Variants in GRHL2 observed in about 807,000 individuals in gnomAD.
The protein encoded by GRHL2 is grainyhead like transcription factor 2, also known as grainyhead-like protein 2 homolog.
A neutral mutation model predicts 83.8 loss-of-function variants in GRHL2; 21 were observed. The ratio of observed to expected loss-of-function variants is 0.25; its 90% CI spans 0.18 to 0.36. The LOEUF (loss-of-function observed/expected upper bound fraction) is 0.36. Among genes scored for constraint, GRHL2 ranks in the 10% least tolerant of loss-of-function variants. The pLI, the probability that GRHL2 is intolerant of heterozygous loss-of-function variation, is 1.00. For missense variants in GRHL2, 623 were observed against 781.8 expected, an observed-to-expected ratio of 0.80 and a Z score of 2.42; for synonymous variants, 280 against 278.9, an observed-to-expected ratio of 1.00 and a Z score of -0.04.
At chr8:101,532,365 G>A (rs532199242) in intron 1 of GRHL2, among the ~76,000 whole-genome samples, 2 of 152,268 alleles carry the variant, frequency 1.3e-5, no homozygotes, top group African/African-American at 2.4e-5. Flanking sequence ...GAGATGAAGT[G>A]ATTACTTAAG....
rs1405094574 is a variant in GRHL2 at position 101,652,469 on chromosome 8, T to TGTGTGTG, written c.1698+2971_1698+2977dup. On this transcript the variant is annotated intron_variant, in intron 14 of 15. Transcript: ENST00000646743. ...TGTGGTGTGTGTCTGGTGTGTGTGG[T>TGTGTGTG]GTGTGTGTGGTATGTGTGTATGTGT... Among the ~76,000 whole-genome samples, 11 of 46,372 alleles carry TGTGTGTG rather than the reference T, an allele frequency of 2.4e-4. 1 individual carries two copies. The highest frequency in any genetic ancestry group is 2.8e-4 in the Non-Finnish European group (6 of 21,694). The allele number at this position is 46,372 out of a possible 152,430, so 30.4% of individuals were successfully genotyped here.
At chr8:101,612,496 G>A (rs1812770160) in intron 8 of GRHL2, among the ~76,000 whole-genome samples, 2 of 114,860 alleles carry the variant, frequency 1.7e-5, no homozygotes, top group African/African-American at 3.9e-5. Flanking sequence ...TAGATAGATA[G>A]ATAGATAGAT....
chr8:101,659,740 A>G (rs1336225780), intron 14 of GRHL2, among the ~76,000 whole-genome samples: 1 of 152,216 alleles, frequency 6.6e-6, no homozygotes, highest in Non-Finnish European at 1.5e-5. Flanking sequence ...AAGAAAGCAT[A>G]AATTCTTCAA....
intron 1 of GRHL2, among the ~76,000 whole-genome samples, chr8:101,531,466 G>A (rs1399051822): frequency 6.6e-6 from 1 of 152,066 alleles, no homozygotes; most frequent in Non-Finnish European, 1.5e-5. Context: ...TAGTATGATG[G>A]TATTGTTGAA....
intron 8 of GRHL2, among the ~76,000 whole-genome samples, chr8:101,602,938 C>T (rs1812548589): frequency 6.6e-6 from 1 of 152,208 alleles, no homozygotes; most frequent in Non-Finnish European, 1.5e-5. Flanking sequence ...CTCCCTGGCT[C>T]CTTTGGCCTG....
At chr8:101,616,393 A>G (rs1212591760) in intron 8 of GRHL2, among the ~76,000 whole-genome samples, 1 of 151,694 alleles carries the variant, frequency 6.6e-6, no homozygotes, top group East Asian at 1.9e-4. Context: ...CTGGTCTCGA[A>G]CTCCTGACCT....
intron 7 of GRHL2, among the ~76,000 whole-genome samples, chr8:101,577,919 G>A (rs1325117460): frequency 1.3e-5 from 2 of 152,210 alleles, no homozygotes; most frequent in South Asian, 2.1e-4. Context: ...CAAAGGTCAT[G>A]TGACTACACA....
At chr8:101,592,136 G>GCTCT (rs1477917142) in intron 7 of GRHL2, among the ~76,000 whole-genome samples, 1 of 98,982 alleles carries the variant, frequency 1.0e-5, no homozygotes, top group East Asian at 3.3e-4. Context: ...ACAGAGTCTT[G>GCTCT]CTCTGTCGCC....
chr8:101,641,123 TGTTTTTG>T (rs1238659465), intron 12 of GRHL2, among the ~76,000 whole-genome samples: 12 of 152,294 alleles, frequency 7.9e-5, no homozygotes, highest in African/African-American at 2.6e-4. Context: ...GTGTGTTTTT[TGTTTTTG>T]GTTTTTTACT....
intron 14 of GRHL2, among the ~76,000 whole-genome samples, chr8:101,655,349 G>C (rs1173447935): frequency 6.6e-6 from 1 of 152,104 alleles, no homozygotes; most frequent in Non-Finnish European, 1.5e-5. Context: ...TTGAATGTTT[G>C]GTTTCCTTCC....
intron 4 of GRHL2, among the ~76,000 whole-genome samples, chr8:101,560,176 TTGTGTG>T (rs35280910): frequency 0.096 from 14,259 of 148,982 alleles, 837 homozygotes; most frequent in African/African-American, 0.16. Flanking sequence ...TGGCTAAATT[TTGTGTG>T]TGTGTGTGTG....
chr8:101,507,605 T>C (rs564061616), intron 1 of GRHL2, among the ~76,000 whole-genome samples: 1 of 152,256 alleles, frequency 6.6e-6, no homozygotes, highest in Non-Finnish European at 1.5e-5. Flanking sequence ...TAACATTTTT[T>C]AAATTGATAC....
At chr8:101,625,191 G>A (rs1472319465) in intron 9 of GRHL2, among the ~76,000 whole-genome samples, 1 of 152,006 alleles carries the variant, frequency 6.6e-6, no homozygotes, top group African/African-American at 2.4e-5. Flanking sequence ...TGGAAATAAA[G>A]AATAAAGTTA....
At chr8:101,558,944 G>A in intron 4 of GRHL2, 132 bp downstream of exon 4, 1 of 959,306 alleles carries the variant, frequency 1.0e-6, no homozygotes. Flanking sequence ...TTTAAAAGAT[G>A]TGTTTGTTGG....
chr8:101,499,227 TA>T (rs1335524721), intron 1 of GRHL2, among the ~76,000 whole-genome samples: 1 of 152,252 alleles, frequency 6.6e-6, no homozygotes, highest in Non-Finnish European at 1.5e-5. Flanking sequence ...ATTTACTTTT[TA>T]AAAAGTTTTA....
chr8:101,533,534 G>A (rs1810981142), intron 1 of GRHL2, among the ~76,000 whole-genome samples: 1 of 152,184 alleles, frequency 6.6e-6, no homozygotes, highest in African/African-American at 2.4e-5. Context: ...AGCGGAGGTA[G>A]ACACACAAGG....
At chr8:101,603,335 TAAAAAAC>T (rs548556876) in intron 8 of GRHL2, among the ~76,000 whole-genome samples, 2,420 of 152,252 alleles carry the variant, frequency 0.016, 71 homozygotes, top group African/African-American at 0.055. Flanking sequence ...TGCATTTATT[TAAAAAAC>T]AAAAAACAAA....
chr8:101,632,305 C>A lies in GRHL2; in HGVS notation c.1425C>A (p.His475Gln). 6.2e-7 allele frequency: 1 copy of A among 1,614,102 alleles called. No individual in the cohort carries two copies. Among genetic ancestry groups the A allele is most frequent in the Non-Finnish European group, 8.5e-7 (1 of 1,179,962 alleles). ...ITYFKTMPDL[H>Q]SQPVLFIPDV... ...ACTTCAAAACCATGCCTGATCTCCA[C>A]TCACAGCCAGTTCTCTTCATACCTG... Residue 475 changes from histidine to glutamine, a missense_variant, in exon 11 of 16, where the codon CAC (histidine) becomes CAA (glutamine). This residue lies in a region of GRHL2 where 210 missense variants were observed against 254.8 expected (regional missense o/e 0.82). Transcript: ENST00000646743.
intron 7 of GRHL2, among the ~76,000 whole-genome samples, chr8:101,582,712 C>T (rs1812081653): frequency 1.3e-5 from 2 of 152,184 alleles, no homozygotes; most frequent in South Asian, 4.1e-4. Context: ...TCTGCGACCA[C>T]CCACCTCAGC....
Sources: gnomAD v4.1 joint callset for allele counts (sites outside exome capture counted in the v4.1 genomes callset) on GRCh38, gnomAD v4.1.1 for gene constraint, gnomAD v4.1.1 regional missense constraint, MANE v1.5 for transcripts, NCBI Gene and HGNC (gene_info 2026-07-23, HGNC 2026-07-21) for gene names.